EPHA5: variants seen among roughly 807,000 people sequenced by gnomAD.
EPHA5 encodes the protein ephrin type-A receptor 5.
A neutral mutation model predicts 105.0 loss-of-function variants in EPHA5; 60 were observed. The observed-to-expected ratio is 0.57, with a 90% CI of 0.46 to 0.71. The LOEUF is 0.71. EPHA5 is among the 30% of genes least tolerant of loss of function. The probability of loss-of-function intolerance (pLI) is 0.00; values close to 1 mark genes in which losing one functional copy is unlikely to be tolerated. For missense variants in EPHA5, 1,218 were observed against 1,274.7 expected, an observed-to-expected ratio of 0.96 and a Z score of 0.68; for synonymous variants, 513 against 449.1, an observed-to-expected ratio of 1.14 and a Z score of -1.80.
At chr4:65,395,341 A>G (rs769526448) in intron 8 of EPHA5, among the ~76,000 whole-genome samples, 3 of 152,202 alleles carry the variant, frequency 2.0e-5, no homozygotes, top group African/African-American at 4.8e-5. Flanking sequence ...TTCTTATATC[A>G]TATGTCCTGG....
chr4:65,400,283 G>C (rs904846702), intron 8 of EPHA5, among the ~76,000 whole-genome samples: 4 of 152,102 alleles, frequency 2.6e-5, no homozygotes, highest in African/African-American at 9.7e-5. Context: ...AATATGCTGT[G>C]CATATAAAGA....
At chr4:65,621,089 C>T (rs1029820673) in intron 2 of EPHA5, among the ~76,000 whole-genome samples, 1 of 152,072 alleles carries the variant, frequency 6.6e-6, no homozygotes, top group Non-Finnish European at 1.5e-5. Context: ...TTGCTAACCT[C>T]AGATATGGTC....
chr4:65,582,093 A>G (rs751072112), intron 3 of EPHA5, among the ~76,000 whole-genome samples: 5 of 151,668 alleles, frequency 3.3e-5, no homozygotes, highest in Non-Finnish European at 7.4e-5. Context: ...GTTGCATTAA[A>G]CATGTCTGGA....
chr4:65,632,182 G>C, intron 2 of EPHA5, among the ~76,000 whole-genome samples: 1 of 152,078 alleles, frequency 6.6e-6, no homozygotes, highest in East Asian at 1.9e-4. Flanking sequence ...CTGGAATCTA[G>C]ATTAGCTGAT....
At chr4:65,602,622 C>A (rs925215992) in intron 2 of EPHA5, among the ~76,000 whole-genome samples, 1 of 151,824 alleles carries the variant, frequency 6.6e-6, no homozygotes, top group Admixed American at 6.6e-5. Context: ...GAAATTTAAA[C>A]GTGGGTGAGG....
intron 14 of EPHA5, among the ~76,000 whole-genome samples, chr4:65,346,928 G>A (rs1722278549): frequency 6.6e-6 from 1 of 152,098 alleles, no homozygotes; most frequent in Non-Finnish European, 1.5e-5. Flanking sequence ...AGAGGAGGAG[G>A]GGCAAATACT....
chr4:65,602,396 G>C, intron 2 of EPHA5, 92 bp from the exon 3 acceptor site: 1 of 1,007,738 alleles, frequency 9.9e-7, no homozygotes, highest in Non-Finnish European at 1.4e-6. Flanking sequence ...AACTAACTGA[G>C]ATATAGAAAT....
chr4:65,454,766 T>C (rs1479852078), intron 5 of EPHA5, among the ~76,000 whole-genome samples: 1 of 152,186 alleles, frequency 6.6e-6, no homozygotes, highest in African/African-American at 2.4e-5. Context: ...CTGCAAGTAC[T>C]ATTTAGTGGA....
At chr4:65,391,164 C>T (rs1462651667) in intron 8 of EPHA5, among the ~76,000 whole-genome samples, 1 of 152,074 alleles carries the variant, frequency 6.6e-6, no homozygotes, top group Non-Finnish European at 1.5e-5. Context: ...ATTCAATTAC[C>T]TCCACCTGGT....
intron 6 of EPHA5, among the ~76,000 whole-genome samples, chr4:65,416,179 T>G (rs958789504): frequency 2.6e-5 from 4 of 152,056 alleles, no homozygotes; most frequent in African/African-American, 9.7e-5. Context: ...AAAATTCTGA[T>G]AGACTTTATA....
intron 16 of EPHA5, chr4:65,331,444 G>A: frequency 9.6e-7 from 1 of 1,046,972 alleles, no homozygotes; most frequent in Non-Finnish European, 1.2e-6. Context: ...TCAGAGGCGG[G>A]ATCTGATACA....
At chr4:65,345,041 T>C (rs150092602) in intron 14 of EPHA5, among the ~76,000 whole-genome samples, 2 of 152,260 alleles carry the variant, frequency 1.3e-5, no homozygotes, top group African/African-American at 4.8e-5. Context: ...CAAGCTTCAG[T>C]TTCTTAATTG....
intron 3 of EPHA5, among the ~76,000 whole-genome samples, chr4:65,515,812 A>C (rs1464255251): frequency 2.0e-5 from 3 of 152,158 alleles, no homozygotes; most frequent in African/African-American, 7.2e-5. Context: ...GAATAGACAG[A>C]CTGAGAAAAG....
chr4:65,535,507 G>C (rs752311077), intron 3 of EPHA5, among the ~76,000 whole-genome samples: 1 of 151,968 alleles, frequency 6.6e-6, no homozygotes, highest in Non-Finnish European at 1.5e-5. Context: ...TATCTATATA[G>C]AACATATATA....
intron 5 of EPHA5, 109 bp downstream of exon 5, chr4:65,490,268 G>T (rs553532389): frequency 1.0e-5 from 11 of 1,070,322 alleles, no homozygotes; most frequent in Admixed American, 7.0e-5. Flanking sequence ...CTGACCTTCC[G>T]GTTGAGGGAA....
intron 3 of EPHA5, among the ~76,000 whole-genome samples, chr4:65,565,440 A>G (rs1029542666): frequency 6.6e-6 from 1 of 151,770 alleles, no homozygotes; most frequent in Non-Finnish European, 1.5e-5. Flanking sequence ...AAAGTCATAT[A>G]AATGTTTTTC....
chr4:65,547,529 G>C (rs1047152557), intron 3 of EPHA5, among the ~76,000 whole-genome samples: 1 of 151,780 alleles, frequency 6.6e-6, no homozygotes, highest in Admixed American at 6.6e-5. Flanking sequence ...TGATGTTCCG[G>C]TTAAGTCATT....
chr4:65,329,189 A>G (rs1720365262), intron 16 of EPHA5, among the ~76,000 whole-genome samples: 1 of 151,352 alleles, frequency 6.6e-6, no homozygotes, highest in Non-Finnish European at 1.5e-5. Context: ...AAGATGAGAT[A>G]GTTTGCACCA....
At chr4:65,379,590 A>T (rs892487181) in intron 8 of EPHA5, among the ~76,000 whole-genome samples, 4 of 151,676 alleles carry the variant, frequency 2.6e-5, no homozygotes, top group African/African-American at 9.7e-5. Context: ...TACTTTGATC[A>T]GTGTCTGGCA....
Sources: allele counts gnomAD v4.1 joint callset (sites outside exome capture counted in the v4.1 genomes callset), GRCh38; gene constraint gnomAD v4.1.1; transcripts MANE v1.5; gene names NCBI Gene and HGNC (gene_info 2026-07-23, HGNC 2026-07-21).